Variants in SVIL observed in about 807,000 individuals in gnomAD.
The protein encoded by SVIL is supervillin, also known as archvillin.
SVIL carries 101 observed loss-of-function variants against 240.4 expected under a neutral mutation model. The ratio of observed to expected loss-of-function variants is 0.42; its 90% CI spans 0.36 to 0.50. The LOEUF (loss-of-function observed/expected upper bound fraction) is 0.50, where lower values mean the gene tolerates loss of function less well. Among genes scored for constraint, SVIL ranks in the 20% least tolerant of loss-of-function variants. The probability of loss-of-function intolerance (pLI) is 0.01; values close to 1 mark genes in which losing one functional copy is unlikely to be tolerated. For missense variants in SVIL, 2,512 were observed against 2,818.7 expected, an observed-to-expected ratio of 0.89 and a Z score of 2.46; for synonymous variants, 999 against 1,100.0, an observed-to-expected ratio of 0.91 and a Z score of 1.82.
At chr10:29,548,354 T>C (rs937020459) in intron 6 of SVIL, among the ~76,000 whole-genome samples, 2 of 152,210 alleles carry the variant, frequency 1.3e-5, no homozygotes, top group African/African-American at 2.4e-5. Context: ...TGGGAAACTA[T>C]TGCTTGTTTG....
intron 1 of SVIL, among the ~76,000 whole-genome samples, chr10:29,629,005 A>C (rs944240886): frequency 6.6e-6 from 1 of 152,124 alleles, no homozygotes; most frequent in African/African-American, 2.4e-5. Flanking sequence ...CTGCGGGGAC[A>C]TCAAAGTAAC....
rs759843906 is a variant in SVIL at position 29,579,502 on chromosome 10, A to G, written c.-200-10190T>C. 5.5e-4 allele frequency among the ~76,000 whole-genome samples: 84 copies of G among 152,314 alleles called. 1 individual carries two copies. The highest frequency in any genetic ancestry group is 8.8e-4 in the Non-Finnish European group (60 of 68,018). ...CAAAAACGGGGACAATGATTCCTGC[A>G]GTCCAACTATTGACAATGTCTCAGT... On this transcript the variant is annotated intron_variant, in intron 1 of 37. Transcript: ENST00000355867.
At chr10:29,588,314 G>T (rs902981612) in intron 1 of SVIL, among the ~76,000 whole-genome samples, 10 of 149,498 alleles carry the variant, frequency 6.7e-5, no homozygotes, top group African/African-American at 2.5e-4. Context: ...GCTGAAACGT[G>T]TGCTGGTGGC....
chr10:29,720,924 G>T (rs1963934765), intron 1 of SVIL, among the ~76,000 whole-genome samples: 1 of 152,124 alleles, frequency 6.6e-6, no homozygotes, highest in Non-Finnish European at 1.5e-5. Flanking sequence ...TCGTCTCACT[G>T]CAACCTCTGC....
At chr10:29,673,792 C>G (rs993030571) in intron 2 of SVIL, among the ~76,000 whole-genome samples, 1 of 152,120 alleles carries the variant, frequency 6.6e-6, no homozygotes, top group African/African-American at 2.4e-5. Flanking sequence ...GGGCACAGAG[C>G]CAAACCATAT....
At chr10:29,656,823 C>A (rs1179241352) in intron 3 of SVIL, among the ~76,000 whole-genome samples, 1 of 152,214 alleles carries the variant, frequency 6.6e-6, no homozygotes, top group Non-Finnish European at 1.5e-5. Flanking sequence ...TTGTCTCAGG[C>A]ATTGGCTTTC....
chr10:29,555,399 G>A lies in SVIL; in HGVS notation c.-50-291C>T, dbSNP rs147964467. ...TCTAAGGTCAAGCTGAATATTTGAT[G>A]CCCATAAAAATGACAGAGTTATCAA... On this transcript the variant is annotated intron_variant, in intron 3 of 37. Coordinates refer to ENST00000355867, the MANE Select transcript of SVIL (RefSeq NM_021738.3). 1.4e-4 allele frequency among the ~76,000 whole-genome samples: 22 copies of A among 151,980 alleles called. No homozygotes were observed. In the East Asian group the frequency reaches 4.3e-3, roughly 29 times the overall value.
At chr10:29,465,252 C>T (rs1034517516) in intron 34 of SVIL, among the ~76,000 whole-genome samples, 34 of 152,152 alleles carry the variant, frequency 2.2e-4, no homozygotes, top group Non-Finnish European at 2.4e-4. Flanking sequence ...GGAGCAATGG[C>T]AGTCGACGGG....
upstream of SVIL, among the ~76,000 whole-genome samples, chr10:29,637,089 G>T (rs139936542): frequency 1.3e-5 from 2 of 152,266 alleles, no homozygotes; most frequent in African/African-American, 4.8e-5. Flanking sequence ...GATTACAGGT[G>T]TGAGCCACCC....
chr10:29,472,210 A>G (rs1209041517), intron 30 of SVIL, among the ~76,000 whole-genome samples: 1 of 152,254 alleles, frequency 6.6e-6, no homozygotes. Flanking sequence ...AACTCTGAGG[A>G]TGATTTTGAA....
chr10:29,537,602 C>T (rs2132586257), intron 6 of SVIL, among the ~76,000 whole-genome samples: 1 of 152,330 alleles, frequency 6.6e-6, no homozygotes, highest in South Asian at 2.1e-4. Flanking sequence ...CAGCTCAAAA[C>T]TTTATGAGCC....
At chr10:29,527,119 G>T in intron 12 of SVIL, 63 bp from the exon 13 acceptor site, 1 of 1,408,456 alleles carries the variant, frequency 7.1e-7, no homozygotes, top group South Asian at 1.2e-5. Context: ...AAGCATTAAG[G>T]ACAGCATAGT....
intron 15 of SVIL, 108 bp from the exon 16 acceptor site, chr10:29,522,743 CG>C: frequency 6.4e-6 from 8 of 1,242,480 alleles, no homozygotes; most frequent in Non-Finnish European, 6.7e-6. Context: ...GGGCACACGG[CG>C]GGTGACCCAA....
At chr10:29,500,077 A>C (rs1047596874) in intron 17 of SVIL, among the ~76,000 whole-genome samples, 24 of 152,132 alleles carry the variant, frequency 1.6e-4, no homozygotes, top group Non-Finnish European at 3.1e-4. Context: ...AAAGGGCATC[A>C]GGAAAGGAGG....
At position 29,727,785 on chromosome 10, in the gene SVIL, T is replaced by C. The variant is rs140708487; in HGVS notation, c.-400+7966A>G. Among the ~76,000 whole-genome samples, 1,236 of 151,940 alleles carry C rather than the reference T, an allele frequency of 8.1e-3. 5 individuals are homozygous for C. The highest frequency in any genetic ancestry group is 0.013 in the Non-Finnish European group (913 of 67,988). On this transcript the variant is annotated intron_variant, in intron 1 of 35. Transcript: ENST00000375400. ...AAAGTCACAAAAAGAGCAATATTTT[T>C]ATATTTTTGCAGGGAACAAGTGCCA... is the stretch of plus-strand genomic sequence containing the variant.
intron 22 of SVIL, among the ~76,000 whole-genome samples, chr10:29,490,374 C>A: frequency 6.6e-6 from 1 of 152,176 alleles, no homozygotes; most frequent in East Asian, 1.9e-4. Flanking sequence ...TGTTCAGGAT[C>A]TACAGAGCTG....
chr10:29,664,474 A>G (rs1959194021), intron 2 of SVIL, among the ~76,000 whole-genome samples: 1 of 152,150 alleles, frequency 6.6e-6, no homozygotes, highest in Non-Finnish European at 1.5e-5. Context: ...TGTCTCCTTA[A>G]TTCATGCCAA....
chr10:29,722,954 C>G (rs950345229), intron 1 of SVIL, among the ~76,000 whole-genome samples: 1 of 152,220 alleles, frequency 6.6e-6, no homozygotes, highest in South Asian at 2.1e-4. Context: ...TCCTCTCAAG[C>G]CTTGATGTTG....
chr10:29,603,555 T>C (rs1002602309), intron 1 of SVIL, among the ~76,000 whole-genome samples: 2 of 152,228 alleles, frequency 1.3e-5, no homozygotes, highest in Non-Finnish European at 2.9e-5. Flanking sequence ...ACAGTTCATC[T>C]AATTTCTTCA....
Sources: gnomAD v4.1 joint callset for allele counts (sites outside exome capture counted in the v4.1 genomes callset) on GRCh38, gnomAD v4.1.1 for gene constraint, MANE v1.5 for transcripts, NCBI Gene and HGNC (gene_info 2026-07-23, HGNC 2026-07-21) for gene names.